The following KCNN2 variants were observed in gnomAD, a reference collection of about 807,000 sequenced individuals.
KCNN2 encodes the protein potassium calcium-activated channel subfamily N member 2.
In KCNN2, 24 loss-of-function variants were observed where a neutral mutation model predicts 55.5. That is an observed-to-expected ratio of 0.43 (90% CI 0.31 to 0.61). The LOEUF is 0.61. Among genes scored for constraint, KCNN2 ranks in the 20% least tolerant of loss-of-function variants. The pLI, the probability that KCNN2 is intolerant of heterozygous loss-of-function variation, is 0.08. For missense variants in KCNN2, 754 were observed against 853.6 expected (o/e 0.88, Z 1.45); for synonymous variants, 431 against 336.1 (o/e 1.28, Z -3.09).
chr5:114,217,427 C>T (rs1754029338), intron 1 of KCNN2, among the ~76,000 whole-genome samples: 1 of 151,906 alleles, frequency 6.6e-6, no homozygotes, highest in Admixed American at 6.6e-5. Flanking sequence ...CCAGAATGTC[C>T]AGGGGAAAAA....
intron 2 of KCNN2, among the ~76,000 whole-genome samples, chr5:114,276,949 G>A (rs554542155): frequency 1.3e-3 from 198 of 152,210 alleles, no homozygotes; most frequent in African/African-American, 4.5e-3. Context: ...GGTCTTTACA[G>A]TTTGGCATGT....
At chr5:114,252,211 G>GT (rs1019741195) in intron 2 of KCNN2, among the ~76,000 whole-genome samples, 122 of 151,840 alleles carry the variant, frequency 8.0e-4, no homozygotes, top group African/African-American at 2.8e-3. Context: ...ATTAAAAAAT[G>GT]TTTTTTCTAT....
chr5:114,321,446 T>G (rs1756611831), intron 2 of KCNN2, among the ~76,000 whole-genome samples: 1 of 152,136 alleles, frequency 6.6e-6, no homozygotes, highest in African/African-American at 2.4e-5. Context: ...TATACAGATC[T>G]CCTCATCTGG....
intron 1 of KCNN2, among the ~76,000 whole-genome samples, chr5:114,130,318 T>A (rs1046086639): frequency 2.5e-4 from 38 of 152,230 alleles, no homozygotes; most frequent in Non-Finnish European, 5.9e-5. Context: ...TTTCCTTAGC[T>A]TGCTTTCCAG....
intron 2 of KCNN2, among the ~76,000 whole-genome samples, chr5:114,244,074 G>A (rs1038056721): frequency 1.3e-5 from 2 of 152,176 alleles, no homozygotes; most frequent in African/African-American, 4.8e-5. Context: ...GAATGCATGT[G>A]AGAATGCTTC....
At chr5:114,399,488 G>T (rs1281896494) in intron 2 of KCNN2, among the ~76,000 whole-genome samples, 1 of 152,144 alleles carries the variant, frequency 6.6e-6, no homozygotes, top group Non-Finnish European at 1.5e-5. Context: ...TGTGCTGCTG[G>T]ATTCTGGTTG....
intron 2 of KCNN2, among the ~76,000 whole-genome samples, chr5:114,229,010 T>A (rs1007310866): frequency 1.3e-5 from 2 of 152,066 alleles, no homozygotes; most frequent in Middle Eastern, 3.3e-3. Flanking sequence ...AGAAATTAAC[T>A]TAATTTGCTT....
intron 3 of KCNN2, among the ~76,000 whole-genome samples, chr5:114,410,173 G>A (rs921299510): frequency 5.3e-5 from 8 of 152,196 alleles, no homozygotes; most frequent in African/African-American, 1.9e-4. Context: ...GAACATTTAT[G>A]TTTTAGAAGA....
intron 1 of KCNN2, among the ~76,000 whole-genome samples, chr5:114,119,850 G>A (rs73260443): frequency 0.15 from 22,053 of 152,050 alleles, 1,794 homozygotes; most frequent in Middle Eastern, 0.22. Context: ...TATGCTGATC[G>A]AGAAAGACTG....
intron 2 of KCNN2, among the ~76,000 whole-genome samples, chr5:114,251,880 C>CTTTTTTTTTTTTTTTTTTTT (rs200692821): frequency 7.5e-6 from 1 of 133,338 alleles, no homozygotes. Flanking sequence ...TTTTCTTTTT[C>CTTTTTTTTTTTTTTTTTTTT]TTTTTTTTTT....
chr5:114,381,794 C>G (rs1477555003), intron 2 of KCNN2, among the ~76,000 whole-genome samples: 2 of 152,160 alleles, frequency 1.3e-5, no homozygotes, highest in East Asian at 1.9e-4. Flanking sequence ...TTTACCTTCT[C>G]AAGGACAGTT....
chr5:114,197,858 G>A (rs1329514097), intron 1 of KCNN2, among the ~76,000 whole-genome samples: 1 of 152,166 alleles, frequency 6.6e-6, no homozygotes, highest in African/African-American at 2.4e-5. Context: ...TGGCTCAAAT[G>A]CCACAGATTC....
At chr5:114,460,353 CTCCCT>C (rs1761134071) in intron 3 of KCNN2, among the ~76,000 whole-genome samples, 1 of 152,112 alleles carries the variant, frequency 6.6e-6, no homozygotes, top group South Asian at 2.1e-4. Flanking sequence ...AGTGATTCCC[CTCCCT>C]CAGCCTCCCA....
chr5:114,335,179 T>C (rs1756899056), intron 2 of KCNN2, among the ~76,000 whole-genome samples: 1 of 152,176 alleles, frequency 6.6e-6, no homozygotes, highest in Non-Finnish European at 1.5e-5. Flanking sequence ...AGTCTCAGCC[T>C]CCCAGAGTGC....
At chr5:114,275,333 A>G (rs1755462378) in intron 2 of KCNN2, among the ~76,000 whole-genome samples, 1 of 152,164 alleles carries the variant, frequency 6.6e-6, no homozygotes, top group Non-Finnish European at 1.5e-5. Flanking sequence ...TGGTGTCAGG[A>G]TGATGCTAGC....
chr5:114,300,746 A>C (rs1205356621), intron 2 of KCNN2, among the ~76,000 whole-genome samples: 1 of 152,230 alleles, frequency 6.6e-6, no homozygotes, highest in Non-Finnish European at 1.5e-5. Flanking sequence ...TTAAAGAATA[A>C]ATGTTGATTA....
chr5:114,261,102 C>G (rs1755100321), intron 2 of KCNN2, among the ~76,000 whole-genome samples: 1 of 152,198 alleles, frequency 6.6e-6, no homozygotes, highest in Non-Finnish European at 1.5e-5. Context: ...TAATAGCACA[C>G]TCTCAGGTGT....
At chr5:114,257,611 A>G (rs1399323531) in intron 2 of KCNN2, among the ~76,000 whole-genome samples, 1 of 152,120 alleles carries the variant, frequency 6.6e-6, no homozygotes, top group South Asian at 2.1e-4. Context: ...TTTTGTAGCT[A>G]TTGTAAATGG....
chr5:114,443,127 C>T (rs977679989), intron 3 of KCNN2, among the ~76,000 whole-genome samples: 1 of 151,846 alleles, frequency 6.6e-6, no homozygotes, highest in South Asian at 2.1e-4. Context: ...CCTGTCTTTG[C>T]TAAAAATACA....
Sources: allele counts gnomAD v4.1 joint callset (sites outside exome capture counted in the v4.1 genomes callset), GRCh38; gene constraint gnomAD v4.1.1; transcripts MANE v1.5; gene names NCBI Gene and HGNC (gene_info 2026-07-23, HGNC 2026-07-21).